C1orf21: variants seen among roughly 807,000 people sequenced by gnomAD.
C1orf21 encodes chromosome 1 open reading frame 21.
In C1orf21, 3 loss-of-function variants were observed where a neutral mutation model predicts 18.7. That is an observed-to-expected ratio of 0.16 (90% CI 0.07 to 0.42). The LOEUF (loss-of-function observed/expected upper bound fraction) is 0.42. C1orf21 is among the 10% of genes least tolerant of loss of function. The pLI is 0.99. For missense variants in C1orf21, 104 were observed against 143.6 expected, an observed-to-expected ratio of 0.72 and a Z score of 1.41; for synonymous variants, 41 against 46.4, an observed-to-expected ratio of 0.88 and a Z score of 0.47.
At chr1:184,436,285 T>C (rs952668116) in intron 1 of C1orf21, among the ~76,000 whole-genome samples, 12 of 152,146 alleles carry the variant, frequency 7.9e-5, no homozygotes, top group Admixed American at 7.2e-4. Context: ...GAGTAGTTCT[T>C]ATTTTACGGC....
intron 1 of C1orf21, among the ~76,000 whole-genome samples, chr1:184,459,309 G>T (rs1049469856): frequency 6.6e-6 from 1 of 152,206 alleles, no homozygotes; most frequent in African/African-American, 2.4e-5. Context: ...TGAAGGGTAA[G>T]TCGGACTCTT....
intron 1 of C1orf21, among the ~76,000 whole-genome samples, chr1:184,451,787 G>A (rs76334261): frequency 0.012 from 1,769 of 152,296 alleles, 41 homozygotes; most frequent in African/African-American, 0.041. Context: ...ATTGCACATT[G>A]TAGGCCTCTT....
chr1:184,452,744 A>C (rs2101980297), intron 1 of C1orf21, among the ~76,000 whole-genome samples: 1 of 152,314 alleles, frequency 6.6e-6, no homozygotes, highest in African/African-American at 2.4e-5. Flanking sequence ...GTAATTGTTC[A>C]GGTTATACAG....
At position 184,521,000 on chromosome 1, in the gene C1orf21, T is replaced by A. The variant is rs572466997; in HGVS notation, c.189+13318T>A. ...CCTCCGCCTCCCGGGTTCAAATGATTCTCCTGCCTCAGCCTCCCGAGTAGC... is the reference window on the plus strand; with the variant it reads ...CCTCCGCCTCCCGGGTTCAAATGATACTCCTGCCTCAGCCTCCCGAGTAGC... On this transcript the variant is annotated intron_variant, in intron 3 of 5. Coordinates refer to ENST00000235307, the MANE Select transcript of C1orf21 (RefSeq NM_030806.4). Among the ~76,000 whole-genome samples, 11 of 152,258 alleles carry A rather than the reference T, an allele frequency of 7.2e-5. No homozygotes were observed. In the East Asian group the frequency reaches 2.1e-3, roughly 29 times the overall value.
Position 184,432,027 on chromosome 1 carries a change from A to T in C1orf21, c.-125+44659A>T, listed in dbSNP as rs904323312. Reference sequence around the variant, plus strand: ...TCATTAAAAAGTCAGGAAACAACAGATGCTGGAGAGGATGTGGAGAAATAG... The same window carrying T: ...TCATTAAAAAGTCAGGAAACAACAGTTGCTGGAGAGGATGTGGAGAAATAG... On this transcript the variant is annotated intron_variant, in intron 1 of 5. Transcript: ENST00000235307. Among the ~76,000 whole-genome samples the T allele has an allele frequency of 2.6e-5, 4 of 152,310 alleles. No individual in the cohort carries two copies. The East Asian group carries it at 7.7e-4, about 29-fold the overall frequency.
chr1:184,424,502 C>G (rs1407739162), intron 1 of C1orf21, among the ~76,000 whole-genome samples: 1 of 152,154 alleles, frequency 6.6e-6, no homozygotes, highest in Non-Finnish European at 1.5e-5. Context: ...TGTAAATTTT[C>G]AATATCTCTC....
chr1:184,530,922 G>A (rs1207940895), intron 3 of C1orf21, among the ~76,000 whole-genome samples: 2 of 151,980 alleles, frequency 1.3e-5, no homozygotes, highest in African/African-American at 4.8e-5. Context: ...ATTGATGCAG[G>A]CAGAAACATT....
At chr1:184,582,423 G>C (rs141350521) in intron 3 of C1orf21, among the ~76,000 whole-genome samples, 1 of 152,342 alleles carries the variant, frequency 6.6e-6, no homozygotes, top group East Asian at 1.9e-4. Context: ...CACAGTCTGT[G>C]TGCAGGGCAC....
chr1:184,390,460 G>A (rs1655954942), intron 1 of C1orf21, among the ~76,000 whole-genome samples: 1 of 152,198 alleles, frequency 6.6e-6, no homozygotes, highest in Non-Finnish European at 1.5e-5. Flanking sequence ...GTATGTGAAA[G>A]TTGATTTGCC....
chr1:184,473,556 A>G (rs1246121823), intron 1 of C1orf21, among the ~76,000 whole-genome samples: 2 of 152,202 alleles, frequency 1.3e-5, no homozygotes, highest in Non-Finnish European at 2.9e-5. Context: ...CTTTGGGGAT[A>G]TGTTTTTGAA....
At chr1:184,418,534 C>T (rs747673380) in intron 1 of C1orf21, among the ~76,000 whole-genome samples, 3 of 152,130 alleles carry the variant, frequency 2.0e-5, no homozygotes, top group Admixed American at 6.5e-5. Context: ...TTTTCTTCTG[C>T]GCTCTGGGAA....
chr1:184,452,015 C>T (rs575556628), intron 1 of C1orf21, among the ~76,000 whole-genome samples: 3 of 152,226 alleles, frequency 2.0e-5, no homozygotes, highest in South Asian at 2.1e-4. Flanking sequence ...CCCTGGAAGG[C>T]AAAAAATTTT....
chr1:184,476,654 A>G (rs1657575569), intron 1 of C1orf21, among the ~76,000 whole-genome samples: 1 of 152,216 alleles, frequency 6.6e-6, no homozygotes, highest in South Asian at 2.1e-4. Context: ...CGGTAGAAGC[A>G]TGAAGTTTAC....
intron 2 of C1orf21, among the ~76,000 whole-genome samples, chr1:184,494,338 C>T (rs1327790442): frequency 1.3e-5 from 2 of 152,186 alleles, no homozygotes; most frequent in Non-Finnish European, 2.9e-5. Context: ...CCGGACTGTA[C>T]TGCTCTGTAC....
At chr1:184,568,641 C>A (rs1008464904) in intron 3 of C1orf21, among the ~76,000 whole-genome samples, 1 of 151,960 alleles carries the variant, frequency 6.6e-6, no homozygotes, top group Non-Finnish European at 1.5e-5. Context: ...TAAAAAACAC[C>A]CTGAGGTTCT....
intron 3 of C1orf21, among the ~76,000 whole-genome samples, chr1:184,520,957 G>A (rs768266122): frequency 2.0e-5 from 3 of 152,078 alleles, no homozygotes; most frequent in Admixed American, 6.5e-5. Context: ...GCAATGGCAC[G>A]ATCTTGGCTC....
At chr1:184,522,962 A>T (rs945695604) in intron 3 of C1orf21, among the ~76,000 whole-genome samples, 1 of 152,222 alleles carries the variant, frequency 6.6e-6, no homozygotes, top group Non-Finnish European at 1.5e-5. Flanking sequence ...TGCTGGGATG[A>T]CGGGCATGAG....
chr1:184,494,632 A>T (rs926222559), intron 2 of C1orf21, among the ~76,000 whole-genome samples: 4 of 152,200 alleles, frequency 2.6e-5, no homozygotes, highest in African/African-American at 9.7e-5. Context: ...TAAGGGCAGC[A>T]GTGGGAGGTA....
At chr1:184,584,130 CTTCT>C (rs1250526647) in intron 3 of C1orf21, among the ~76,000 whole-genome samples, 7,243 of 81,862 alleles carry the variant, frequency 0.088, 275 homozygotes, top group African/African-American at 0.18. Context: ...GCTTGTTCTT[CTTCT>C]TTTTTTTTTT....
Sources: gnomAD v4.1 joint callset for allele counts (sites outside exome capture counted in the v4.1 genomes callset) on GRCh38, gnomAD v4.1.1 for gene constraint, MANE v1.5 for transcripts, NCBI Gene and HGNC (gene_info 2026-07-23, HGNC 2026-07-21) for gene names.